GNA12: variants seen among roughly 807,000 people sequenced by gnomAD.
GNA12 encodes the protein G protein subunit alpha 12.
In GNA12, 9 loss-of-function variants were observed where a neutral mutation model predicts 26.0. That is an observed-to-expected ratio of 0.35 (90% confidence interval 0.21 to 0.60). The LOEUF is 0.60. Ranked by LOEUF, GNA12 falls within the 20% of genes least tolerant of loss-of-function variation. The pLI is 0.78. For synonymous variants in GNA12, 264 were observed against 219.6 expected, an observed-to-expected ratio of 1.20 and a Z score of -1.79; for missense variants, 405 against 525.8, an observed-to-expected ratio of 0.77 and a Z score of 2.25.
chr7:2,780,052 A>C (rs1455972176), intron 2 of GNA12, among the ~76,000 whole-genome samples: 1 of 4,656 alleles, frequency 2.1e-4, no homozygotes, highest in Non-Finnish European at 4.8e-4. Flanking sequence ...TTCTGTGTAC[A>C]TATATATATA....
At chr7:2,820,707 T>C (rs1793330713) in intron 1 of GNA12, among the ~76,000 whole-genome samples, 1 of 152,160 alleles carries the variant, frequency 6.6e-6, no homozygotes, top group South Asian at 2.1e-4. Context: ...TGCCCTGTAA[T>C]CTTCCAAAGA....
intron 1 of GNA12, among the ~76,000 whole-genome samples, chr7:2,795,627 C>CAAA (rs11412223): frequency 7.3e-4 from 86 of 117,546 alleles, no homozygotes; most frequent in Admixed American, 1.8e-3. Flanking sequence ...GACCCTGTTT[C>CAAA]AAAAAAAAAA....
At chr7:2,777,541 G>C (rs1414297166) in intron 2 of GNA12, among the ~76,000 whole-genome samples, 2 of 152,188 alleles carry the variant, frequency 1.3e-5, no homozygotes, top group African/African-American at 2.4e-5. Context: ...GGTTAGAAGA[G>C]GTCATAGGTG....
At chr7:2,777,296 T>C (rs1792101549) in intron 2 of GNA12, among the ~76,000 whole-genome samples, 1 of 152,214 alleles carries the variant, frequency 6.6e-6, no homozygotes, top group African/African-American at 2.4e-5. Context: ...AATCCAATGG[T>C]ATATTAATAC....
intron 3 of GNA12, 49 bp downstream of exon 3, chr7:2,733,402 G>A (rs1370247743): frequency 3.3e-6 from 4 of 1,205,110 alleles, no homozygotes; most frequent in Admixed American, 2.4e-5. Context: ...CTCTGGACAC[G>A]TTTTCTAACC....
intron 2 of GNA12, among the ~76,000 whole-genome samples, chr7:2,766,071 C>G (rs1291127279): frequency 6.6e-6 from 1 of 152,208 alleles, no homozygotes; most frequent in Admixed American, 6.5e-5. Flanking sequence ...ATCTCCAAAA[C>G]TTTTTCATCT....
intron 2 of GNA12, chr7:2,762,220 G>C (rs1791592705): frequency 5.6e-6 from 1 of 178,194 alleles, no homozygotes. Flanking sequence ...AAGTTGTAAG[G>C]GCTTCGTGTT....
At chr7:2,825,979 A>G (rs1054387011) in intron 1 of GNA12, among the ~76,000 whole-genome samples, 22 of 152,048 alleles carry the variant, frequency 1.4e-4, no homozygotes, top group Non-Finnish European at 3.2e-4. Flanking sequence ...TAAAATCCAA[A>G]ACAGACAATG....
At chr7:2,777,984 C>T (rs1184057306) in intron 2 of GNA12, among the ~76,000 whole-genome samples, 1 of 152,178 alleles carries the variant, frequency 6.6e-6, no homozygotes, top group Non-Finnish European at 1.5e-5. Context: ...AGAGGAGGGC[C>T]TTTCAATCTC....
intron 1 of GNA12, among the ~76,000 whole-genome samples, chr7:2,832,412 G>C (rs546490525): frequency 1.3e-4 from 20 of 152,338 alleles, no homozygotes; most frequent in Admixed American, 3.3e-4. Context: ...GCCTTTCCCA[G>C]TTGAGACCAG....
At chr7:2,781,449 T>TGTGTGTGTGTGTGG (rs397971357) in intron 2 of GNA12, among the ~76,000 whole-genome samples, 1 of 144,956 alleles carries the variant, frequency 6.9e-6, no homozygotes, top group Non-Finnish European at 1.5e-5. Context: ...TGTGTGTGTG[T>TGTGTGTGTGTGTGG]AGGGTACAAT....
intron 2 of GNA12, among the ~76,000 whole-genome samples, chr7:2,746,213 A>G (rs907661954): frequency 6.6e-6 from 1 of 152,222 alleles, no homozygotes; most frequent in East Asian, 1.9e-4. Context: ...TCAACAGAAT[A>G]TACATTCTTT....
chr7:2,733,085 G>A (rs1789982280), intron 3 of GNA12, among the ~76,000 whole-genome samples: 1 of 152,210 alleles, frequency 6.6e-6, no homozygotes, highest in African/African-American at 2.4e-5. Flanking sequence ...CCGGAGGCCG[G>A]GGGAGGGCTG....
chr7:2,837,800 A>C (rs573522566), intron 1 of GNA12, among the ~76,000 whole-genome samples: 2 of 152,282 alleles, frequency 1.3e-5, no homozygotes, highest in South Asian at 4.2e-4. Context: ...CAACAGAAGA[A>C]GGCTTAGAGC....
At chr7:2,826,325 C>T (rs1055477114) in intron 1 of GNA12, among the ~76,000 whole-genome samples, 9 of 147,812 alleles carry the variant, frequency 6.1e-5, no homozygotes, top group East Asian at 6.0e-4. Context: ...TGCAGTGAGC[C>T]GAGATCACGC....
intron 1 of GNA12, among the ~76,000 whole-genome samples, chr7:2,805,694 C>T (rs1792929383): frequency 6.6e-6 from 1 of 152,226 alleles, no homozygotes; most frequent in Non-Finnish European, 1.5e-5. Flanking sequence ...TTCTCTAGAA[C>T]ATTTTTTAAA....
chr7:2,761,341 AC>A (rs1238886955), intron 2 of GNA12, among the ~76,000 whole-genome samples: 1 of 152,238 alleles, frequency 6.6e-6, no homozygotes, highest in Non-Finnish European at 1.5e-5. Flanking sequence ...GCCTAGAGGC[AC>A]GGGGTGGGCA....
In GNA12 at chr7:2,742,353, G is replaced by A. The variant is rs114285252; in HGVS notation, c.526-8852C>T. Among the ~76,000 whole-genome samples, 333 of 152,190 alleles carry A rather than the reference G, an allele frequency of 2.2e-3. 3 individuals are homozygous for A. The highest frequency in any genetic ancestry group is 7.7e-3 in the African/African-American group (320 of 41,526). On this transcript the variant is annotated intron_variant, in intron 2 of 3. Transcript: ENST00000275364. ...TTTGAAGAAGAGGGCTGCCTCCCAC[G>A]GCCCTTGGGGTTTTTGCGATGTCTC... is the stretch of plus-strand genomic sequence containing the variant.
At chr7:2,770,869 C>T (rs1264101132) in intron 2 of GNA12, among the ~76,000 whole-genome samples, 1 of 152,140 alleles carries the variant, frequency 6.6e-6, no homozygotes. Flanking sequence ...GCAAGGCCAT[C>T]GTGCAAGATT....
Sources: allele counts gnomAD v4.1 joint callset (sites outside exome capture counted in the v4.1 genomes callset), GRCh38; gene constraint gnomAD v4.1.1; transcripts MANE v1.5; gene names NCBI Gene and HGNC (gene_info 2026-07-23, HGNC 2026-07-21).